The following CADM2 variants were observed in gnomAD, a reference collection of about 807,000 sequenced individuals.
CADM2 encodes the protein cell adhesion molecule 2, also known as immunoglobulin superfamily member 4D.
A neutral mutation model predicts 49.8 loss-of-function variants in CADM2; 12 were observed. The observed-to-expected ratio is 0.24, with a 90% CI of 0.15 to 0.39. CADM2 has a LOEUF of 0.39. Among genes scored for constraint, CADM2 ranks in the 10% least tolerant of loss-of-function variants. The pLI is 1.00. For synonymous variants in CADM2, 214 were observed against 175.4 expected (o/e 1.22, Z -1.74); for missense variants, 378 against 492.3 (o/e 0.77, Z 2.20).
chr3:85,563,218 C>G (rs1438090707), intron 1 of CADM2, among the ~76,000 whole-genome samples: 1 of 152,076 alleles, frequency 6.6e-6, no homozygotes, highest in Non-Finnish European at 1.5e-5. Context: ...ACTCAAATAG[C>G]AGCAAATCTG....
intron 1 of CADM2, among the ~76,000 whole-genome samples, chr3:85,089,762 A>G (rs1375339558): frequency 2.0e-5 from 3 of 152,116 alleles, no homozygotes; most frequent in Non-Finnish European, 4.4e-5. Flanking sequence ...AATCCCCCCA[A>G]AAAAACACAG....
chr3:85,020,199 T>C (rs1398295403), intron 1 of CADM2, among the ~76,000 whole-genome samples: 3 of 152,162 alleles, frequency 2.0e-5, no homozygotes, highest in Non-Finnish European at 2.9e-5. Context: ...ATCCTACTTA[T>C]GTTGCCTGGT....
rs371959422 is a variant in CADM2, at chr3:85,102,933, T to C, written c.61+143265T>C. 3.9e-5 allele frequency among the ~76,000 whole-genome samples: 6 copies of C among 152,240 alleles called. No homozygotes were observed. The East Asian group carries it at 9.7e-4, about 25-fold the overall frequency. On this transcript the variant is annotated intron_variant, in intron 1 of 9. Coordinates refer to ENST00000383699, the MANE Select transcript of CADM2 (RefSeq NM_001167675.2). ...GTTCACAGGCCTTGTGAGTCAATGA[T>C]AAGGTAACCTAAGACACATTTTTGA...
intron 3 of CADM2, among the ~76,000 whole-genome samples, chr3:85,862,092 G>A (rs1185356775): frequency 6.6e-6 from 1 of 151,852 alleles, no homozygotes; most frequent in African/African-American, 2.4e-5. Flanking sequence ...TTTTCACTAA[G>A]GTCAGATAAA....
chr3:85,979,775 G>T (rs975765242), intron 8 of CADM2, among the ~76,000 whole-genome samples: 2 of 151,584 alleles, frequency 1.3e-5, no homozygotes, highest in African/African-American at 2.4e-5. Context: ...CATAGAACTT[G>T]CAAGTAAATA....
intron 1 of CADM2, among the ~76,000 whole-genome samples, chr3:85,102,585 T>C (rs2038055256): frequency 6.6e-6 from 1 of 152,150 alleles, no homozygotes; most frequent in South Asian, 2.1e-4. Flanking sequence ...AAGCAAGACC[T>C]ATAATATTGA....
chr3:85,360,892 C>G (rs185928181), intron 1 of CADM2, among the ~76,000 whole-genome samples: 2 of 152,300 alleles, frequency 1.3e-5, no homozygotes, highest in African/African-American at 4.8e-5. Flanking sequence ...TCTGCAGCTA[C>G]AGGGAACCAT....
chr3:85,099,512 C>G (rs926289825), intron 1 of CADM2, among the ~76,000 whole-genome samples: 9 of 151,464 alleles, frequency 5.9e-5, no homozygotes, highest in African/African-American at 2.2e-4. Context: ...CTCTGTTGCC[C>G]AGGCTGGAGT....
chr3:85,078,567 T>G (rs1050466154), intron 1 of CADM2, among the ~76,000 whole-genome samples: 5 of 151,984 alleles, frequency 3.3e-5, no homozygotes, highest in African/African-American at 1.2e-4. Context: ...GACATTCATA[T>G]GCAGATATCT....
chr3:85,567,533 GTTTAA>G (rs1210129200), intron 1 of CADM2, among the ~76,000 whole-genome samples: 1 of 151,962 alleles, frequency 6.6e-6, no homozygotes, highest in African/African-American at 2.4e-5. Context: ...AAACATTCTT[GTTTAA>G]TTTCTCTTCT....
chr3:86,019,436 G>A (rs1392327521), intron 8 of CADM2, among the ~76,000 whole-genome samples: 2 of 151,062 alleles, frequency 1.3e-5, no homozygotes, highest in South Asian at 2.1e-4. Context: ...TAGCTTGATG[G>A]GGATGGCATT....
intron 1 of CADM2, among the ~76,000 whole-genome samples, chr3:85,473,851 T>C (rs1397075532): frequency 6.6e-6 from 1 of 152,082 alleles, no homozygotes; most frequent in Non-Finnish European, 1.5e-5. Flanking sequence ...ACAACTTTTT[T>C]GTGACTGTAG....
At chr3:85,889,817 C>T (rs1289800415) in intron 5 of CADM2, among the ~76,000 whole-genome samples, 1 of 152,084 alleles carries the variant, frequency 6.6e-6, no homozygotes, top group Non-Finnish European at 1.5e-5. Flanking sequence ...TCCACCCAAG[C>T]TTTCACAGTT....
intron 1 of CADM2, among the ~76,000 whole-genome samples, chr3:85,519,256 A>G (rs1193058932): frequency 6.6e-6 from 1 of 152,146 alleles, no homozygotes; most frequent in Non-Finnish European, 1.5e-5. Context: ...CAACTATAGC[A>G]GTAATATATA....
chr3:85,853,254 T>C (rs1461595937), intron 3 of CADM2, among the ~76,000 whole-genome samples: 2 of 151,400 alleles, frequency 1.3e-5, no homozygotes, highest in Non-Finnish European at 2.9e-5. Context: ...CCATTGTATA[T>C]ATATTAAAAG....
intron 1 of CADM2, among the ~76,000 whole-genome samples, chr3:85,629,102 C>T (rs1283888698): frequency 6.6e-6 from 1 of 151,572 alleles, no homozygotes; most frequent in Admixed American, 6.6e-5. Flanking sequence ...TCTCTGTGAA[C>T]CTCAGACAGC....
chr3:85,518,858 AT>A (rs1010009640), intron 1 of CADM2, among the ~76,000 whole-genome samples: 1 of 152,014 alleles, frequency 6.6e-6, no homozygotes, highest in East Asian at 1.9e-4. Context: ...CTCGGCAAAG[AT>A]TTTTTTCTTA....
chr3:85,649,656 C>A (rs535633116), intron 1 of CADM2, among the ~76,000 whole-genome samples: 1 of 152,240 alleles, frequency 6.6e-6, no homozygotes, highest in East Asian at 1.9e-4. Flanking sequence ...AAAGGCTTAA[C>A]AATGCAGGTA....
intron 3 of CADM2, among the ~76,000 whole-genome samples, chr3:85,840,720 G>A: frequency 6.6e-6 from 1 of 151,718 alleles, no homozygotes; most frequent in East Asian, 1.9e-4. Context: ...GTATTTTTCA[G>A]TGGCCTATAT....
Sources: allele counts gnomAD v4.1 joint callset (sites outside exome capture counted in the v4.1 genomes callset), GRCh38; gene constraint gnomAD v4.1.1; transcripts MANE v1.5; gene names NCBI Gene and HGNC (gene_info 2026-07-23, HGNC 2026-07-21).